MACROD2: variants seen among roughly 807,000 people sequenced by gnomAD.
MACROD2 encodes ADP-ribose glycohydrolase MACROD2.
MACROD2 carries 36 observed loss-of-function variants against 70.4 expected under a neutral mutation model. That is an observed-to-expected ratio of 0.51 (90% CI 0.39 to 0.68). MACROD2 has a LOEUF of 0.68. Among genes scored for constraint, MACROD2 ranks in the 30% least tolerant of loss-of-function variants. The probability of loss-of-function intolerance (pLI) is 0.00; values close to 1 mark genes in which losing one functional copy is unlikely to be tolerated. For missense variants in MACROD2, 496 were observed against 538.4 expected (o/e 0.92, Z 0.78); for synonymous variants, 172 against 178.8 (o/e 0.96, Z 0.30).
intron 10 of MACROD2, among the ~76,000 whole-genome samples, chr20:15,909,920 G>A (rs2065210634): frequency 6.6e-6 from 1 of 152,152 alleles, no homozygotes; most frequent in South Asian, 2.1e-4. Flanking sequence ...GAAGATGTCA[G>A]TAAGGAGGTC....
intron 5 of MACROD2, among the ~76,000 whole-genome samples, chr20:14,692,441 T>C (rs962377764): frequency 1.2e-4 from 18 of 152,208 alleles, no homozygotes; most frequent in Non-Finnish European, 7.3e-5. Context: ...ACCTGTCTTT[T>C]TAGACAAAAT....
intron 5 of MACROD2, among the ~76,000 whole-genome samples, chr20:14,955,248 A>G (rs1217484247): frequency 6.5e-5 from 9 of 137,870 alleles, no homozygotes; most frequent in African/African-American, 1.9e-4. Context: ...ATTATATATA[A>G]TTTATATAAT....
At chr20:14,643,704 A>C (rs1340989064) in intron 4 of MACROD2, among the ~76,000 whole-genome samples, 1 of 152,208 alleles carries the variant, frequency 6.6e-6, no homozygotes, top group Non-Finnish European at 1.5e-5. Flanking sequence ...TTAGATAGTC[A>C]TGTGGTTTAG....
chr20:14,656,749 C>T (rs1024602787), intron 4 of MACROD2, among the ~76,000 whole-genome samples: 1 of 152,146 alleles, frequency 6.6e-6, no homozygotes, highest in Non-Finnish European at 1.5e-5. Context: ...TGTCATTACT[C>T]TGGGGGTTAT....
At chr20:14,270,242 CGT>C (rs542323512) in intron 3 of MACROD2, among the ~76,000 whole-genome samples, 1 of 151,866 alleles carries the variant, frequency 6.6e-6, no homozygotes, top group Admixed American at 6.6e-5. Flanking sequence ...TGTCTACATA[CGT>C]GTGTGTGTGT....
intron 5 of MACROD2, among the ~76,000 whole-genome samples, chr20:15,095,861 T>TTGTGTG (rs11468899): frequency 8.8e-5 from 13 of 148,474 alleles, no homozygotes; most frequent in Admixed American, 3.4e-4. Flanking sequence ...ACCATGTTGT[T>TTGTGTG]TGTGTGTGTG....
At chr20:15,377,669 T>C (rs2045581640) in intron 6 of MACROD2, among the ~76,000 whole-genome samples, 1 of 152,210 alleles carries the variant, frequency 6.6e-6, no homozygotes, top group Non-Finnish European at 1.5e-5. Flanking sequence ...AGAAAGAAGC[T>C]CTCTGATTAC....
At chr20:15,930,243 T>A (rs953619994) in intron 10 of MACROD2, among the ~76,000 whole-genome samples, 7 of 152,188 alleles carry the variant, frequency 4.6e-5, no homozygotes, top group African/African-American at 1.4e-4. Flanking sequence ...CAGACAAGGC[T>A]GATAAAAAAG....
chr20:15,225,843 AAT>A (rs2076901417), intron 5 of MACROD2, among the ~76,000 whole-genome samples: 1 of 152,164 alleles, frequency 6.6e-6, no homozygotes, highest in Admixed American at 6.5e-5. Flanking sequence ...GACCTGTGTA[AAT>A]ACTGTTCTGC....
At chr20:15,085,502 G>T (rs948534973) in intron 5 of MACROD2, among the ~76,000 whole-genome samples, 8 of 152,000 alleles carry the variant, frequency 5.3e-5, no homozygotes, top group Non-Finnish European at 7.4e-5. Flanking sequence ...TATGATAAGG[G>T]TCTCATACCT....
intron 5 of MACROD2, chr20:15,196,997 A>G: frequency 1.0e-6 from 1 of 985,364 alleles, no homozygotes; most frequent in Non-Finnish European, 1.2e-6. Context: ...TGGAAACTCA[A>G]CACTCAGGAA....
intron 5 of MACROD2, among the ~76,000 whole-genome samples, chr20:14,810,479 TATC>T (rs1303991864): frequency 1.3e-5 from 2 of 152,084 alleles, no homozygotes; most frequent in East Asian, 3.9e-4. Context: ...CCACAGCCAA[TATC>T]ATACTGAATG....
chr20:14,536,189 C>T (rs1035967997), intron 4 of MACROD2, among the ~76,000 whole-genome samples: 4 of 152,118 alleles, frequency 2.6e-5, no homozygotes, highest in South Asian at 2.1e-4. Context: ...ATATGCACAA[C>T]GTTGACTTCC....
intron 11 of MACROD2, among the ~76,000 whole-genome samples, chr20:15,934,908 C>G (rs777716704): frequency 5.3e-5 from 8 of 151,886 alleles, no homozygotes; most frequent in Admixed American, 3.9e-4. Flanking sequence ...ATGTTGGTCT[C>G]GAATTCCTGA....
chr20:14,034,791 C>T (rs2053288081), intron 2 of MACROD2, among the ~76,000 whole-genome samples: 1 of 152,098 alleles, frequency 6.6e-6, no homozygotes, highest in Non-Finnish European at 1.5e-5. Context: ...ATCATTTGCT[C>T]ATTTAAAAAA....
At chr20:14,922,739 G>A (rs913353563) in intron 5 of MACROD2, among the ~76,000 whole-genome samples, 1 of 152,046 alleles carries the variant, frequency 6.6e-6, no homozygotes, top group Non-Finnish European at 1.5e-5. Context: ...ATCCATCTGG[G>A]CCATGCAATC....
intron 1 of MACROD2, among the ~76,000 whole-genome samples, chr20:14,000,853 G>A (rs2052725058): frequency 6.6e-6 from 1 of 152,148 alleles, no homozygotes; most frequent in Non-Finnish European, 1.5e-5. Context: ...TGGCATACAA[G>A]TCCCTGTACA....
At chr20:15,426,210 A>T (rs1195401767) in intron 6 of MACROD2, among the ~76,000 whole-genome samples, 1 of 152,158 alleles carries the variant, frequency 6.6e-6, no homozygotes, top group Non-Finnish European at 1.5e-5. Context: ...ATAAAAAAAA[A>T]AAAAAAAAAG....
chr20:15,970,319 G>A (rs1220928090), intron 13 of MACROD2, among the ~76,000 whole-genome samples: 1 of 151,978 alleles, frequency 6.6e-6, no homozygotes, highest in Admixed American at 6.6e-5. Flanking sequence ...AAATATTGAT[G>A]GTATAAATCA....
Sources: allele counts gnomAD v4.1 joint callset (sites outside exome capture counted in the v4.1 genomes callset), GRCh38; gene constraint gnomAD v4.1.1; transcripts MANE v1.5; gene names NCBI Gene and HGNC (gene_info 2026-07-23, HGNC 2026-07-21).